The following CCDC39 variants were observed in gnomAD, a reference collection of about 807,000 sequenced individuals.
The protein encoded by CCDC39 is coiled-coil domain 39 molecular ruler complex subunit, also known as coiled-coil domain-containing protein 39.
Under a neutral mutation model 121.0 loss-of-function variants are expected in CCDC39, and 113 were observed. That is an observed-to-expected ratio of 0.93 (90% CI 0.80 to 1.09). The LOEUF is 1.09. CCDC39 is among the 50% of genes least tolerant of loss of function. The pLI, the probability that CCDC39 is intolerant of heterozygous loss-of-function variation, is 0.00. For synonymous variants in CCDC39, 349 were observed against 352.2 expected, an observed-to-expected ratio of 0.99 and a Z score of 0.10; for missense variants, 1,063 against 1,074.7, an observed-to-expected ratio of 0.99 and a Z score of 0.15.
Position 180,616,523 on chromosome 3 carries a change from A to C in CCDC39, c.2579T>G (p.Phe860Cys), listed in dbSNP as rs746843239. 3 of 1,548,888 alleles carry C rather than the reference A, an allele frequency of 1.9e-6. No homozygotes were observed. The highest frequency in any genetic ancestry group is 2.8e-5 in the African/African-American group (2 of 72,434). Residue 860 changes from phenylalanine (F) to cysteine (C), a missense_variant, in exon 18 of 20, where the codon TTT becomes TGT. Coordinates refer to ENST00000476379, the MANE Select transcript of CCDC39 (RefSeq NM_181426.2). ...TEIRIILQTY[F>C]QQSGLELPTA... ...TAGAAGGTGCTGTATTACCTGTTGA[A>C]AGTATGTTTGAAGGATAATACGGAT...
At chr3:180,648,047 A>G (rs1306156455) in intron 10 of CCDC39, 118 bp downstream of exon 10, 5 of 761,060 alleles carry the variant, frequency 6.6e-6, no homozygotes, top group Non-Finnish European at 1.0e-5. Flanking sequence ...CACCTTCAGC[A>G]TCTGTCTGTC....
intron 1 of CCDC39, among the ~76,000 whole-genome samples, chr3:180,666,642 C>A (rs145220524): frequency 6.6e-6 from 1 of 152,266 alleles, no homozygotes; most frequent in African/African-American, 2.4e-5. Context: ...AAACTTCTGA[C>A]TTTTAAATGA....
intron 6 of CCDC39, 132 bp from the exon 7 acceptor site, chr3:180,655,085 A>G: frequency 2.0e-6 from 1 of 511,266 alleles, no homozygotes; most frequent in Non-Finnish European, 3.2e-6. Context: ...ACATTTTTAA[A>G]TACTTTTATA....
intron 14 of CCDC39, among the ~76,000 whole-genome samples, chr3:180,622,004 C>G (rs1281372174): frequency 1.3e-5 from 2 of 151,988 alleles, no homozygotes; most frequent in East Asian, 3.8e-4. Context: ...TCTGTAGATT[C>G]CTTTGGGCAC....
At chr3:180,668,774 G>A (rs1711956205) in intron 1 of CCDC39, among the ~76,000 whole-genome samples, 1 of 151,998 alleles carries the variant, frequency 6.6e-6, no homozygotes, top group Non-Finnish European at 1.5e-5. Context: ...TATGCATTTT[G>A]TTCACCAGAC....
At chr3:180,660,514 G>A in intron 4 of CCDC39, 56 bp downstream of exon 4, 2 of 1,413,460 alleles carry the variant, frequency 1.4e-6, no homozygotes, top group Non-Finnish European at 1.9e-6. Context: ...AGGTAAATAG[G>A]TTGACATACT....
chr3:180,625,264 G>T (rs1717530586), intron 14 of CCDC39, among the ~76,000 whole-genome samples: 1 of 149,582 alleles, frequency 6.7e-6, no homozygotes, highest in Admixed American at 6.7e-5. Context: ...TATTTTAAAA[G>T]ACCTGTCTTC....
chr3:180,679,487 G>A lies in CCDC39; in HGVS notation c.-107C>T, dbSNP rs1712334841. The A allele has an allele frequency of 5.7e-6, 6 of 1,052,200 alleles. No individual in the cohort carries two copies. The highest frequency in any genetic ancestry group is 5.0e-5 in the South Asian group (4 of 79,852). 65.2% of individuals were successfully genotyped at this position (1,052,200 alleles called of 1,614,324 possible). On this transcript the variant is annotated 5_prime_UTR_variant, in exon 1 of 20. Coordinates refer to ENST00000476379, the MANE Select transcript of CCDC39 (RefSeq NM_181426.2). This position sits in a 1 kb window ranked among gnomAD's most constrained non-coding sequence, Gnocchi z 4.0. ...GCACCTGCACAGTGCCGCGGCAATTGCCGGGGGAGCCCTAGCAACCTTCCC... is the reference window on the plus strand; with the variant it reads ...GCACCTGCACAGTGCCGCGGCAATTACCGGGGGAGCCCTAGCAACCTTCCC...
intron 13 of CCDC39, 23 bp from the exon 14 acceptor site, chr3:180,631,615 A>C (rs750376176): frequency 6.9e-6 from 11 of 1,584,552 alleles, no homozygotes; most frequent in Non-Finnish European, 9.4e-6. Flanking sequence ...AGAAACACTG[A>C]GAAATGAATA....
chr3:180,631,892 G>T (rs891987853), intron 13 of CCDC39, among the ~76,000 whole-genome samples: 5 of 152,190 alleles, frequency 3.3e-5, no homozygotes, highest in African/African-American at 1.2e-4. Flanking sequence ...GCCTGCCACA[G>T]TTTCATTGTG....
intron 9 of CCDC39, among the ~76,000 whole-genome samples, chr3:180,650,350 G>C (rs1488675899): frequency 6.6e-6 from 1 of 152,170 alleles, no homozygotes; most frequent in Non-Finnish European, 1.5e-5. Flanking sequence ...AGAGATAGTA[G>C]ATGATAAAGA....
rs1712334934 is a variant in CCDC39, at chr3:180,679,487, G to GC, written c.-108dup. 1 of 1,052,194 alleles carries GC rather than the reference G, an allele frequency of 9.5e-7. No homozygotes were observed. The allele number at this position is 1,052,194 out of a possible 1,614,324, so 65.2% of individuals were successfully genotyped here. A position where few individuals can be genotyped will look rare whatever the true frequency, so the allele number is the denominator to read the frequency against. On this transcript the variant is annotated 5_prime_UTR_variant, in exon 1 of 20. Coordinates refer to ENST00000476379, the MANE Select transcript of CCDC39 (RefSeq NM_181426.2). The surrounding 1 kb of genome is among the most constrained non-coding windows in gnomAD (Gnocchi z 4.0). ...GCACCTGCACAGTGCCGCGGCAATT[G>GC]CCGGGGGAGCCCTAGCAACCTTCCC...
intron 14 of CCDC39, among the ~76,000 whole-genome samples, chr3:180,623,423 T>C (rs572601383): frequency 4.6e-5 from 7 of 152,166 alleles, no homozygotes; most frequent in African/African-American, 1.7e-4. Flanking sequence ...TGATCATTTG[T>C]AAATTTTTTT....
At chr3:180,671,856 A>C (rs1208879872) in intron 1 of CCDC39, among the ~76,000 whole-genome samples, 1 of 152,222 alleles carries the variant, frequency 6.6e-6, no homozygotes, top group Non-Finnish European at 1.5e-5. Context: ...GAAAGAAACC[A>C]TCTCCACAAC....
At position 180,616,985 on chromosome 3, in the gene CCDC39, CAT is replaced by C. The variant is rs759825544; in HGVS notation, c.2266-21_2266-20del. The C allele has an allele frequency of 3.3e-6, 4 of 1,211,586 alleles. No homozygotes were observed. The highest frequency in any genetic ancestry group is 4.5e-6 in the Non-Finnish European group (4 of 890,648). The allele number at this position is 1,211,586 out of a possible 1,614,324, so 75.1% of individuals were successfully genotyped here. A position where few individuals can be genotyped will look rare whatever the true frequency, so the allele number is the denominator to read the frequency against. ...CCATGCTCTGTAGAAAAAATATTAA[CAT>C]GTATTTTTTAGAATCAGAAATTGAC... On this transcript the variant is annotated intron_variant, in intron 16 of 19. Transcript: ENST00000476379.
chr3:180,636,692 G>T (rs1717836302), intron 13 of CCDC39, among the ~76,000 whole-genome samples: 1 of 151,992 alleles, frequency 6.6e-6, no homozygotes, highest in African/African-American at 2.4e-5. Flanking sequence ...TACACTACAG[G>T]GCTACAGTAA....
intron 1 of CCDC39, among the ~76,000 whole-genome samples, chr3:180,665,737 T>C (rs1436300137): frequency 6.6e-6 from 1 of 151,790 alleles, no homozygotes; most frequent in African/African-American, 2.4e-5. Flanking sequence ...TTCTAAAAGG[T>C]GATTTTTCCT....
In CCDC39 at chr3:180,654,843, A is replaced by T; in HGVS notation, c.849T>A (p.Ile283=). The part of the protein sequence containing the change: ...IGNNTEFEKR[I]SVADRKLLKC... ...TTAAAAGTTTACGATCAGCCACAGA[A>T]ATTCTTTTCTCAAACTCTGTGTTAT... The change falls in exon 7 of 20, where the codon ATT becomes ATA. Residue 283 remains isoleucine (I), a synonymous_variant. Transcript: ENST00000476379. 6.2e-7 allele frequency: 1 copy of T among 1,609,686 alleles called. No individual in the cohort carries two copies. Among genetic ancestry groups the T allele is most frequent in the Non-Finnish European group, 8.5e-7 (1 of 1,178,140 alleles).
chr3:180,620,044 G>C lies in CCDC39; in HGVS notation c.1999-74C>G, dbSNP rs904974192. On this transcript the variant is annotated intron_variant, in intron 14 of 19. Transcript: ENST00000476379. ...AAGAAATGCCTAATGGCTGTCTTTG[G>C]AGCAGAAAATAGTTGACTTGTGACA... The C allele has an allele frequency of 7.5e-6, 9 of 1,192,088 alleles. No homozygotes were observed. The African/African-American group carries it at 1.4e-4, about 19-fold the overall frequency. The allele number at this position is 1,192,088 out of a possible 1,614,324, so 73.8% of individuals were successfully genotyped here. A position where few individuals can be genotyped will look rare whatever the true frequency, so the allele number is the denominator to read the frequency against.
Sources: gnomAD v4.1 joint callset for allele counts (sites outside exome capture counted in the v4.1 genomes callset) on GRCh38, gnomAD v4.1.1 for gene constraint, Gnocchi (gnomAD v3.1) non-coding constraint, MANE v1.5 for transcripts, NCBI Gene and HGNC (gene_info 2026-07-23, HGNC 2026-07-21) for gene names.